TENT2: variants seen among roughly 807,000 people sequenced by gnomAD.
The protein encoded by TENT2 is poly(A) RNA polymerase GLD2.
TENT2 carries 44 observed loss-of-function variants against 72.2 expected under a neutral mutation model. The observed-to-expected ratio is 0.61, with a 90% CI of 0.48 to 0.78. The LOEUF is 0.78. Ranked by LOEUF, TENT2 falls within the 30% of genes least tolerant of loss-of-function variation. The pLI is 0.00. For synonymous variants in TENT2, 212 were observed against 192.5 expected (o/e 1.10, Z -0.84); for missense variants, 541 against 569.6 (o/e 0.95, Z 0.51).
chr5:79,679,801 T>A, intron 13 of TENT2, 131 bp downstream of exon 13: 1 of 499,152 alleles, frequency 2.0e-6, no homozygotes, highest in Non-Finnish European at 3.2e-6. Context: ...GTTTAAAATT[T>A]TTAATTTTAA....
At chr5:79,632,274 A>G (rs940189895) in intron 4 of TENT2, among the ~76,000 whole-genome samples, 9 of 152,358 alleles carry the variant, frequency 5.9e-5, no homozygotes, top group East Asian at 1.9e-4. Context: ...GAGGATAAAC[A>G]TAAAGAATTG....
At chr5:79,641,920 T>G (rs1341459762) in intron 6 of TENT2, among the ~76,000 whole-genome samples, 4 of 152,012 alleles carry the variant, frequency 2.6e-5, no homozygotes, top group Non-Finnish European at 5.9e-5. Flanking sequence ...CTCAGAAAGT[T>G]TCAGATTTTG....
intron 4 of TENT2, among the ~76,000 whole-genome samples, chr5:79,639,679 T>G (rs922455486): frequency 2.6e-5 from 4 of 152,140 alleles, no homozygotes; most frequent in Non-Finnish European, 4.4e-5. Flanking sequence ...AATCTAGATC[T>G]CTTGTGGTTC....
At chr5:79,648,538 C>A in intron 8 of TENT2, 79 bp from the exon 9 acceptor site, 1 of 944,158 alleles carries the variant, frequency 1.1e-6, no homozygotes, top group Non-Finnish European at 1.6e-6. Flanking sequence ...GATGGATGAG[C>A]ATTAATTTAG....
intron 3 of TENT2, among the ~76,000 whole-genome samples, chr5:79,621,973 A>G (rs1490748155): frequency 8.6e-5 from 13 of 151,914 alleles, no homozygotes; most frequent in Admixed American, 8.5e-4. Context: ...TATCAAGGAG[A>G]GAGAAATTGA....
chr5:79,621,989 TCCCA>T (rs1765397513), intron 3 of TENT2, among the ~76,000 whole-genome samples: 1 of 151,762 alleles, frequency 6.6e-6, no homozygotes, highest in Non-Finnish European at 1.5e-5. Flanking sequence ...ATTGACATAA[TCCCA>T]AAGGAGTGTT....
At chr5:79,626,850 TG>T (rs1209243273) in intron 4 of TENT2, among the ~76,000 whole-genome samples, 2 of 151,450 alleles carry the variant, frequency 1.3e-5, no homozygotes, top group African/African-American at 2.4e-5. Flanking sequence ...AGAACCTTTT[TG>T]CTGGGTGTGG....
rs1826163452 is a variant in TENT2 at position 79,686,735 on chromosome 5, A to G, written c.*1462A>G. 1 of 151,958 alleles carries G rather than the reference A, an allele frequency of 6.6e-6. No individual in the cohort carries two copies. The highest frequency in any genetic ancestry group is 6.6e-5 in the Admixed American group (1 of 15,256). 9.4% of individuals were successfully genotyped at this position (151,958 alleles called of 1,614,324 possible). On this transcript the variant is annotated 3_prime_UTR_variant, in exon 15 of 15. Coordinates refer to ENST00000453514, the MANE Select transcript of TENT2 (RefSeq NM_001114394.3). The stretch of plus-strand genomic sequence containing the variant: ...ATCTAGAACTGAACTAAATCTACTT[A>G]TTAGCCAGCTAACGACATCAATATC...
At chr5:79,658,427 G>A (rs1426870321) in intron 11 of TENT2, among the ~76,000 whole-genome samples, 1 of 151,202 alleles carries the variant, frequency 6.6e-6, no homozygotes, top group South Asian at 2.1e-4. Flanking sequence ...CTGGCCTCAA[G>A]CGAGCCTTCT....
chr5:79,678,043 A>G (rs1335836424), intron 12 of TENT2, among the ~76,000 whole-genome samples: 3 of 152,328 alleles, frequency 2.0e-5, no homozygotes, highest in East Asian at 3.9e-4. Context: ...ATGAACTGCA[A>G]TACATGAGGG....
rs1580730388 is a variant in TENT2 at position 79,686,363 on chromosome 5, T to A, written c.*1090T>A. The A allele has an allele frequency of 6.6e-6, 1 of 152,182 alleles. No individual in the cohort carries two copies. The highest frequency in any genetic ancestry group is 2.1e-4 in the South Asian group (1 of 4,818). The allele number at this position is 152,182 out of a possible 1,614,324, so 9.4% of individuals were successfully genotyped here. On this transcript the variant is annotated 3_prime_UTR_variant, in exon 15 of 15. Coordinates refer to ENST00000453514, the MANE Select transcript of TENT2 (RefSeq NM_001114394.3). ...AAAAAGCTACAGTGTTTATTAAGGG[T>A]CTTTTTGATTTATGTAAATATTTGT...
chr5:79,657,153 A>G lies in TENT2; in HGVS notation c.1071+152A>G, dbSNP rs1580495583. 4.1e-5 allele frequency: 22 copies of G among 530,364 alleles called. No individual in the cohort carries two copies. The East Asian group carries it at 4.6e-4, about 11-fold the overall frequency. 32.9% of individuals were successfully genotyped at this position (530,364 alleles called of 1,614,324 possible). The stretch of plus-strand genomic sequence containing the variant: ...CAAGAGAACATTTAAAATGTTTCAT[A>G]TACTGTTTCAGAAAACTCTCTTACT... On this transcript the variant is annotated intron_variant, in intron 11 of 14. Transcript: ENST00000453514.
intron 10 of TENT2, 69 bp from the exon 11 acceptor site, chr5:79,656,889 C>A: frequency 1.7e-6 from 2 of 1,162,866 alleles, no homozygotes; most frequent in Non-Finnish European, 2.5e-6. Context: ...TGGGATGTAG[C>A]TGACAAATTA....
chr5:79,631,251 T>G (rs983520212), intron 4 of TENT2, among the ~76,000 whole-genome samples: 3 of 152,164 alleles, frequency 2.0e-5, no homozygotes, highest in Admixed American at 6.5e-5. Flanking sequence ...TGGGTTCGAT[T>G]GAGAAGAAGG....
At chr5:79,613,122 A>G (rs1561432126) in intron 1 of TENT2, 47 bp downstream of exon 1, 1 of 152,214 alleles carries the variant, frequency 6.6e-6, no homozygotes, top group Admixed American at 6.5e-5. Context: ...TTTATCTTTT[A>G]AGCCTTAATT....
At chr5:79,625,402 T>C (rs1312649318) in intron 4 of TENT2, among the ~76,000 whole-genome samples, 2 of 152,200 alleles carry the variant, frequency 1.3e-5, no homozygotes, top group African/African-American at 2.4e-5. Context: ...AACCTTTCAT[T>C]TTGATGCAGT....
chr5:79,623,178 A>G (rs902708638), intron 3 of TENT2, 74 bp from the exon 4 acceptor site: 4 of 975,604 alleles, frequency 4.1e-6, no homozygotes, highest in Non-Finnish European at 6.0e-6. Flanking sequence ...TGATATTTAT[A>G]TATATTTAAT....
At chr5:79,668,757 T>A in intron 11 of TENT2, 135 bp from the exon 12 acceptor site, 4 of 1,008,880 alleles carry the variant, frequency 4.0e-6, no homozygotes, top group Non-Finnish European at 1.4e-6. Flanking sequence ...GAAGAAAAAT[T>A]TCAGGTTTCC....
chr5:79,680,343 G>T (rs1200605508), intron 13 of TENT2, among the ~76,000 whole-genome samples: 1 of 152,076 alleles, frequency 6.6e-6, no homozygotes, highest in Non-Finnish European at 1.5e-5. Context: ...CTCCTGCTTT[G>T]GTGTGCTAAT....
Sources: gnomAD v4.1 joint callset for allele counts (sites outside exome capture counted in the v4.1 genomes callset) on GRCh38, gnomAD v4.1.1 for gene constraint, MANE v1.5 for transcripts, NCBI Gene and HGNC (gene_info 2026-07-23, HGNC 2026-07-21) for gene names.